The following ATP2B4 variants were observed in gnomAD, a reference collection of about 807,000 sequenced individuals.
The protein encoded by ATP2B4 is plasma membrane calcium-transporting ATPase 4.
ATP2B4 carries 39 observed loss-of-function variants against 110.3 expected under a neutral mutation model. That is an observed-to-expected ratio of 0.35 (90% confidence interval 0.27 to 0.46). The LOEUF (loss-of-function observed/expected upper bound fraction) is 0.46. Among genes scored for constraint, ATP2B4 ranks in the 20% least tolerant of loss-of-function variants. The probability of loss-of-function intolerance (pLI) is 1.00; values close to 1 mark genes in which losing one functional copy is unlikely to be tolerated. For missense variants in ATP2B4, 1,135 were observed against 1,530.9 expected (o/e 0.74, Z 4.32); for synonymous variants, 538 against 571.7 (o/e 0.94, Z 0.84).
rs1665999908 is a variant in ATP2B4 at position 203,711,223 on chromosome 1, C to T, written c.2031+115C>T. 3 of 916,366 alleles carry T rather than the reference C, an allele frequency of 3.3e-6. No individual in the cohort carries two copies. In the South Asian group the frequency reaches 4.8e-5, roughly 15 times the overall value. 56.8% of individuals were successfully genotyped at this position (916,366 alleles called of 1,614,324 possible). ...CTCTCACTTAGAGGGATAGAAGTTTCTGTGCTTCCTGCTTCACAGGACTGC... is the reference window on the plus strand; with the variant it reads ...CTCTCACTTAGAGGGATAGAAGTTTTTGTGCTTCCTGCTTCACAGGACTGC... On this transcript the variant is annotated intron_variant, in intron 12 of 20. Transcript: ENST00000357681.
chr1:203,700,848 G>A lies in ATP2B4; in HGVS notation c.826G>A (p.Val276Ile), dbSNP rs1320581206. The A allele has an allele frequency of 1.2e-6, 2 of 1,613,482 alleles. No homozygotes were observed. The highest frequency in any genetic ancestry group is 1.1e-5 in the South Asian group (1 of 91,034). ...CCGGATGGTGGTGACAGCTGTTGGT[G>A]TCAACTCTCAGACTGGAATCATCCT... ...SGRMVVTAVG[V>I]NSQTGIILTL... Residue 276 changes from valine (V) to isoleucine (I), a missense_variant, in exon 6 of 21, where the codon GTC becomes ATC. Val to Ile is a conservative substitution (Grantham distance 29). Coordinates refer to ENST00000357681, the MANE Select transcript of ATP2B4 (RefSeq NM_001684.5).
At position 203,629,944 on chromosome 1, in the gene ATP2B4, G is replaced by C. The variant is rs762858876; in HGVS notation, c.-465+2725G>C. On this transcript the variant is annotated intron_variant, in intron 1 of 20. Coordinates refer to ENST00000357681, the MANE Select transcript of ATP2B4 (RefSeq NM_001684.5). This position sits in a 1 kb window ranked among gnomAD's most constrained non-coding sequence, Gnocchi z 4.6. ...GGGCCTTGGAATCAGCCTGACGCCA[G>C]CGAGTTCCTAACCCGCCGTCTGGCC... 7.9e-5 allele frequency among the ~76,000 whole-genome samples: 12 copies of C among 152,158 alleles called. No homozygotes were observed. Among genetic ancestry groups the C allele is most frequent in the Non-Finnish European group, 1.3e-4 (9 of 68,030 alleles).
Position 203,739,751 on chromosome 1 carries a change from A to G in ATP2B4, c.3515A>G (p.Glu1172Gly). 1 of 1,614,180 alleles carries G rather than the reference A, an allele frequency of 6.2e-7. No homozygotes were observed. The highest frequency in any genetic ancestry group is 8.5e-7 in the Non-Finnish European group (1 of 1,180,038). The change falls in exon 21 of 21, where the codon GAG becomes GGG. Residue 1172 changes from glutamate to glycine, a missense_variant. By Grantham distance (98) the Glu-to-Gly change is moderately conservative. Around this residue, in one of 9 missense-constraint regions of ATP2B4, gnomAD observed 92 missense variants for 82.5 expected, o/e 1.11. Transcript: ENST00000357681. ...FGTRVLLLDG[E>G]VTPYANTNNN... ...ACTAGGGTGCTCCTGTTGGATGGTG[A>G]GGTCACTCCATATGCCAATACAAAC...
At chr1:203,653,361 G>A (rs1473492520) in intron 1 of ATP2B4, among the ~76,000 whole-genome samples, 2 of 152,234 alleles carry the variant, frequency 1.3e-5, no homozygotes, top group Admixed American at 6.5e-5. Context: ...GAAGCAGCAA[G>A]TGCTGACATA....
intron 2 of ATP2B4, among the ~76,000 whole-genome samples, chr1:203,693,027 T>A (rs1665430786): frequency 6.6e-6 from 1 of 152,174 alleles, no homozygotes; most frequent in South Asian, 2.1e-4. Context: ...AGATTTCCCC[T>A]CAGTTTCCTG....
intron 1 of ATP2B4, among the ~76,000 whole-genome samples, chr1:203,678,966 G>C (rs894025067): frequency 1.3e-5 from 2 of 152,144 alleles, no homozygotes; most frequent in African/African-American, 2.4e-5. Context: ...TAGGAATTTA[G>C]GAGGAAAAAA....
At chr1:203,726,324 T>C (rs1294397206) in intron 19 of ATP2B4, among the ~76,000 whole-genome samples, 2 of 151,920 alleles carry the variant, frequency 1.3e-5, no homozygotes, top group Admixed American at 6.6e-5. Flanking sequence ...TGCCTCGGCC[T>C]CCCGAAGTGC....
In ATP2B4 at chr1:203,629,522, G is replaced by A. The variant is rs1205934401; in HGVS notation, c.-465+2303G>A. ...CACCGGGTCGCCTGAGCCCGGGGTC[G>A]CGGCCAAAGGGGTAATCGGCTCCCG... On this transcript the variant is annotated intron_variant, in intron 1 of 20. Transcript: ENST00000357681. The surrounding 1 kb of genome is among the most constrained non-coding windows in gnomAD (Gnocchi z 4.6). Among the ~76,000 whole-genome samples the A allele has an allele frequency of 6.6e-6, 1 of 152,150 alleles. No homozygotes were observed. Among genetic ancestry groups the A allele is most frequent in the East Asian group, 1.9e-4 (1 of 5,168 alleles).
At position 203,715,350 on chromosome 1, in the gene ATP2B4, C is replaced by T. The variant is rs964794604; in HGVS notation, c.2406+1073C>T. Reference sequence around the variant, plus strand: ...GGCAGATCGCCTGAGGTCAGGAGTTCGAGACCAGTCTAGCCAGCATGGTGA... The same window carrying T: ...GGCAGATCGCCTGAGGTCAGGAGTTTGAGACCAGTCTAGCCAGCATGGTGA... On this transcript the variant is annotated intron_variant, in intron 15 of 20. Transcript: ENST00000357681. 6.3e-5 allele frequency among the ~76,000 whole-genome samples: 9 copies of T among 142,634 alleles called. 1 individual carries two copies. Among genetic ancestry groups the T allele is most frequent in the East Asian group, 4.2e-4 (2 of 4,718 alleles). The allele number at this position is 142,634 out of a possible 152,430, so 93.6% of individuals were successfully genotyped here. A position where few individuals can be genotyped will look rare whatever the true frequency, so the allele number is the denominator to read the frequency against.
intron 15 of ATP2B4, among the ~76,000 whole-genome samples, chr1:203,715,547 C>T (rs1240956912): frequency 1.4e-5 from 2 of 141,740 alleles, no homozygotes; most frequent in Admixed American, 7.1e-5. Flanking sequence ...AGCAAGATTC[C>T]GTCTCAAAAA....
chr1:203,691,861 G>T (rs988075975), intron 2 of ATP2B4, among the ~76,000 whole-genome samples: 2 of 151,834 alleles, frequency 1.3e-5, no homozygotes, highest in Non-Finnish European at 2.9e-5. Flanking sequence ...ATCCAGGGTT[G>T]TTGGGGTTTT....
chr1:203,727,719 A>G, intron 20 of ATP2B4, 148 bp downstream of exon 20: 1 of 946,172 alleles, frequency 1.1e-6, no homozygotes, highest in Non-Finnish European at 1.5e-6. Flanking sequence ...CAGCTTCAGG[A>G]CAGACACGCA....
intron 1 of ATP2B4, among the ~76,000 whole-genome samples, chr1:203,639,182 C>A (rs1663553260): frequency 6.6e-6 from 1 of 152,212 alleles, no homozygotes; most frequent in Admixed American, 6.5e-5. Flanking sequence ...AGGTTGGCTG[C>A]TGAGCTCTGA....
intron 1 of ATP2B4, among the ~76,000 whole-genome samples, chr1:203,636,851 G>A (rs1010533906): frequency 2.0e-5 from 3 of 152,144 alleles, no homozygotes; most frequent in Admixed American, 6.5e-5. Flanking sequence ...GTAACAATTT[G>A]CAGCCAAGTC....
chr1:203,662,986 C>T (rs913443482), intron 1 of ATP2B4, among the ~76,000 whole-genome samples: 5 of 152,212 alleles, frequency 3.3e-5, no homozygotes, highest in African/African-American at 9.6e-5. Flanking sequence ...GGGCCAGAAC[C>T]TTGCATTTGC....
chr1:203,701,976 C>T, intron 6 of ATP2B4, 68 bp from the exon 7 acceptor site: 1 of 1,579,530 alleles, frequency 6.3e-7, no homozygotes, highest in Non-Finnish European at 8.7e-7. Flanking sequence ...TGAGCAGGAC[C>T]AACAAATTGG....
chr1:203,686,711 T>TTTTTTTTA (rs1337372344), intron 2 of ATP2B4, among the ~76,000 whole-genome samples: 4 of 136,682 alleles, frequency 2.9e-5, no homozygotes, highest in South Asian at 2.4e-4. Flanking sequence ...TTTTTTTTTT[T>TTTTTTTTA]AGAAGGAGTT....
intron 1 of ATP2B4, among the ~76,000 whole-genome samples, chr1:203,628,820 A>C (rs1663169600): frequency 6.6e-6 from 1 of 151,616 alleles, no homozygotes; most frequent in Non-Finnish European, 1.5e-5. Flanking sequence ...GAAGAAGGGG[A>C]GTGGAAGAGG....
chr1:203,689,025 C>A (rs1665288895), intron 2 of ATP2B4, among the ~76,000 whole-genome samples: 1 of 152,158 alleles, frequency 6.6e-6, no homozygotes, highest in Non-Finnish European at 1.5e-5. Flanking sequence ...TTTTCCCCCT[C>A]CTTTTATTGT....
Sources: allele counts gnomAD v4.1 joint callset (sites outside exome capture counted in the v4.1 genomes callset), GRCh38; gene constraint gnomAD v4.1.1; regional missense constraint gnomAD v4.1.1; non-coding constraint Gnocchi (gnomAD v3.1); transcripts MANE v1.5; gene names NCBI Gene and HGNC (gene_info 2026-07-23, HGNC 2026-07-21).